The following MTMR3 variants were observed in gnomAD, a reference collection of about 807,000 sequenced individuals.
The protein encoded by MTMR3 is myotubularin related protein 3, also known as phosphatidylinositol-3,5-bisphosphate 3-phosphatase MTMR3.
In MTMR3, 32 loss-of-function variants were observed where a neutral mutation model predicts 132.4. The observed-to-expected ratio is 0.24, with a 90% confidence interval of 0.18 to 0.32. The LOEUF (loss-of-function observed/expected upper bound fraction) is 0.32. MTMR3 is among the 10% of genes least tolerant of loss of function. The pLI, the probability that MTMR3 is intolerant of heterozygous loss-of-function variation, is 1.00. For missense variants in MTMR3, 1,216 were observed against 1,489.6 expected (o/e 0.82, Z 3.02); for synonymous variants, 556 against 550.3 (o/e 1.01, Z -0.14).
intron 1 of MTMR3, among the ~76,000 whole-genome samples, chr22:29,948,415 CT>C (rs1364578924): frequency 4.6e-5 from 7 of 152,180 alleles, no homozygotes; most frequent in African/African-American, 1.7e-4. Context: ...CATTCTTATA[CT>C]GATAAGCAGT....
At chr22:29,974,571 C>T (rs1050651229) in intron 3 of MTMR3, among the ~76,000 whole-genome samples, 1 of 152,182 alleles carries the variant, frequency 6.6e-6, no homozygotes, top group Non-Finnish European at 1.5e-5. Flanking sequence ...CATGCATTTT[C>T]AGTTTTCAGT....
intron 3 of MTMR3, among the ~76,000 whole-genome samples, chr22:29,974,676 A>G (rs1422390190): frequency 6.6e-6 from 1 of 152,208 alleles, no homozygotes; most frequent in Non-Finnish European, 1.5e-5. Flanking sequence ...GTTCTTTACA[A>G]GCCTGCTACA....
chr22:29,906,730 G>A lies in MTMR3; in HGVS notation c.-138+23371G>A, dbSNP rs374272523. On this transcript the variant is annotated intron_variant, in intron 1 of 19. Transcript: ENST00000401950. ...ATTCCTGTACTGTGGAACTACTTGAGTTGCCCTATATCTACTCCCCCTTTC... is the reference window on the plus strand; with the variant it reads ...ATTCCTGTACTGTGGAACTACTTGAATTGCCCTATATCTACTCCCCCTTTC... 2.6e-5 allele frequency among the ~76,000 whole-genome samples: 4 copies of A among 152,248 alleles called. No homozygotes were observed. The East Asian group carries it at 7.7e-4, about 29-fold the overall frequency.
intron 1 of MTMR3, among the ~76,000 whole-genome samples, chr22:29,931,504 T>G (rs573628653): frequency 6.6e-6 from 1 of 152,208 alleles, no homozygotes; most frequent in African/African-American, 2.4e-5. Flanking sequence ...AACTTCCGCC[T>G]CCTGGGTTCA....
chr22:29,979,270 A>G (rs1161622556), intron 5 of MTMR3: 1 of 366,796 alleles, frequency 2.7e-6, no homozygotes, highest in Admixed American at 4.1e-5. Context: ...AGGCAGGCAG[A>G]TCACGAGGTC....
At chr22:29,933,911 A>G (rs1350313282) in intron 1 of MTMR3, among the ~76,000 whole-genome samples, 2 of 152,006 alleles carry the variant, frequency 1.3e-5, no homozygotes, top group Non-Finnish European at 2.9e-5. Context: ...CCACCTCTCA[A>G]TGAGATGATG....
intron 1 of MTMR3, among the ~76,000 whole-genome samples, chr22:29,923,133 C>T (rs1008311237): frequency 6.6e-6 from 1 of 151,698 alleles, no homozygotes; most frequent in Admixed American, 6.6e-5. Flanking sequence ...GCTCCGCCTC[C>T]TGGGTTCACG....
At chr22:29,992,577 ACTGACTT>A (rs1569039773) in intron 7 of MTMR3, 1 of 152,158 alleles carries the variant, frequency 6.6e-6, no homozygotes, top group Admixed American at 6.5e-5. Context: ...CTGGTCCAAC[ACTGACTT>A]TTAGTGTGTC....
At chr22:29,960,740 C>T (rs1382444044) in intron 2 of MTMR3, among the ~76,000 whole-genome samples, 1 of 152,122 alleles carries the variant, frequency 6.6e-6, no homozygotes, top group African/African-American at 2.4e-5. Flanking sequence ...ATGATTTGCT[C>T]TCAAGGTCAT....
At chr22:29,884,139 G>C (rs1407952234) in intron 1 of MTMR3, among the ~76,000 whole-genome samples, 1 of 152,122 alleles carries the variant, frequency 6.6e-6, no homozygotes, top group African/African-American at 2.4e-5. Context: ...AATCTCACTT[G>C]TGAGTTTTGG....
intron 14 of MTMR3, 136 bp downstream of exon 14, chr22:30,013,677 T>C: frequency 1.2e-6 from 1 of 827,348 alleles, no homozygotes; most frequent in Non-Finnish European, 1.8e-6. Flanking sequence ...TTCTGCTTTT[T>C]TTTTTAGTAA....
chr22:29,946,709 A>G (rs1474083625), intron 1 of MTMR3, among the ~76,000 whole-genome samples: 2 of 151,480 alleles, frequency 1.3e-5, no homozygotes, highest in East Asian at 3.9e-4. Context: ...ATGGGAGTGC[A>G]TCTTAAAGAC....
intron 5 of MTMR3, chr22:29,985,180 AAAG>A (rs1222244645): frequency 1.3e-5 from 2 of 152,316 alleles, no homozygotes; most frequent in East Asian, 1.9e-4. Context: ...ATGAACAGGA[AAAG>A]AAGGTCAATT....
At chr22:29,924,574 G>T (rs1420423781) in intron 1 of MTMR3, among the ~76,000 whole-genome samples, 1 of 152,128 alleles carries the variant, frequency 6.6e-6, no homozygotes, top group Non-Finnish European at 1.5e-5. Context: ...ATTTTAGACT[G>T]AATTTTTCTA....
chr22:29,966,777 CTCTGTG>C (rs1434500204), intron 2 of MTMR3, among the ~76,000 whole-genome samples: 1 of 135,584 alleles, frequency 7.4e-6, no homozygotes, highest in Non-Finnish European at 1.6e-5. Flanking sequence ...GTGTGTCTGT[CTCTGTG>C]TGTGTGTGAG....
rs1672108348 is a variant in MTMR3, at chr22:30,025,733, A to G, written c.3529A>G (p.Ser1177Gly). 1 of 1,614,082 alleles carries G rather than the reference A, an allele frequency of 6.2e-7. No homozygotes were observed. Among genetic ancestry groups the G allele is most frequent in the Non-Finnish European group, 8.5e-7 (1 of 1,180,034 alleles). ...PSRVCKSCYS[S>G]LHPTSSSIDL... The stretch of plus-strand genomic sequence containing the variant: ...TCGAGTATGCAAGTCTTGCTATAGC[A>G]GCCTACATCCCACAAGCTCCAGCAT... The change falls in exon 20 of 20, where the codon AGC becomes GGC. Residue 1177 changes from serine (S) to glycine (G), a missense_variant. This residue lies in a region of MTMR3 where 852 missense variants were observed against 852.0 expected (regional missense o/e 1.00). Coordinates refer to ENST00000401950, the MANE Select transcript of MTMR3 (RefSeq NM_021090.4).
At chr22:29,975,960 A>C (rs2066621155) in intron 3 of MTMR3, among the ~76,000 whole-genome samples, 1 of 152,048 alleles carries the variant, frequency 6.6e-6, no homozygotes, top group South Asian at 2.1e-4. Flanking sequence ...ATATCAGTGA[A>C]CTTTTTGTAT....
intron 1 of MTMR3, among the ~76,000 whole-genome samples, chr22:29,949,136 CACA>C (rs2066015334): frequency 4.9e-5 from 2 of 40,430 alleles, no homozygotes; most frequent in East Asian, 6.0e-4. Flanking sequence ...CACACACACA[CACA>C]CACACCCCCC....
intron 9 of MTMR3, chr22:30,005,722 T>C (rs183791186): frequency 6.6e-6 from 1 of 152,312 alleles, no homozygotes; most frequent in East Asian, 1.9e-4. Context: ...AGTGCCAAAT[T>C]TAACTTATTT....
Sources: allele counts gnomAD v4.1 joint callset (sites outside exome capture counted in the v4.1 genomes callset), GRCh38; gene constraint gnomAD v4.1.1; regional missense constraint gnomAD v4.1.1; transcripts MANE v1.5; gene names NCBI Gene and HGNC (gene_info 2026-07-23, HGNC 2026-07-21).